Variants in RALGPS2 observed in about 807,000 individuals in gnomAD.
RALGPS2 encodes ras-specific guanine nucleotide-releasing factor RalGPS2.
In RALGPS2, 43 loss-of-function variants were observed where a neutral mutation model predicts 86.8. The ratio of observed to expected loss-of-function variants is 0.50; its 90% CI spans 0.39 to 0.64. The LOEUF (loss-of-function observed/expected upper bound fraction) is 0.64. Ranked by LOEUF, RALGPS2 falls within the 30% of genes least tolerant of loss-of-function variation. The pLI, the probability that RALGPS2 is intolerant of heterozygous loss-of-function variation, is 0.00. For synonymous variants in RALGPS2, 243 were observed against 231.3 expected (o/e 1.05, Z -0.46); for missense variants, 536 against 694.6 (o/e 0.77, Z 2.57).
chr1:178,897,039 T>C (rs546674846), intron 16 of RALGPS2, among the ~76,000 whole-genome samples: 1 of 152,174 alleles, frequency 6.6e-6, no homozygotes, highest in East Asian at 1.9e-4. Context: ...ATCGCCACAC[T>C]GACTTCCACA....
intron 6 of RALGPS2, among the ~76,000 whole-genome samples, chr1:178,819,917 T>C (rs1483886611): frequency 6.6e-6 from 1 of 152,160 alleles, no homozygotes; most frequent in East Asian, 1.9e-4. Flanking sequence ...TTCCAAAATG[T>C]AGTACACATC....
chr1:178,857,599 A>C (rs539272293), intron 8 of RALGPS2, among the ~76,000 whole-genome samples: 6 of 152,342 alleles, frequency 3.9e-5, no homozygotes, highest in African/African-American at 1.4e-4. Context: ...TAGTTAATGC[A>C]CACATGAAAG....
chr1:178,828,060 A>G (rs1655837177), intron 7 of RALGPS2, among the ~76,000 whole-genome samples: 1 of 152,216 alleles, frequency 6.6e-6, no homozygotes. Flanking sequence ...TCTGGACAAT[A>G]ATTTTTTGGC....
chr1:178,799,092 T>C (rs1295592010), intron 4 of RALGPS2, among the ~76,000 whole-genome samples: 1 of 152,078 alleles, frequency 6.6e-6, no homozygotes, highest in Admixed American at 6.5e-5. Flanking sequence ...CAAGCTAGAG[T>C]GCAGTGGCGC....
intron 7 of RALGPS2, among the ~76,000 whole-genome samples, chr1:178,827,286 A>G (rs980680357): frequency 6.6e-6 from 1 of 152,238 alleles, no homozygotes; most frequent in Non-Finnish European, 1.5e-5. Flanking sequence ...GACATTTATC[A>G]CAGAAATAGA....
intron 6 of RALGPS2, among the ~76,000 whole-genome samples, chr1:178,814,869 A>G (rs900524595): frequency 7.9e-5 from 12 of 152,206 alleles, no homozygotes; most frequent in Admixed American, 3.9e-4. Context: ...GATATTGTCA[A>G]AATTTTTCAT....
intron 18 of RALGPS2, 103 bp from the exon 19 acceptor site, chr1:178,906,673 T>C: frequency 2.4e-6 from 2 of 835,948 alleles, no homozygotes; most frequent in Non-Finnish European, 3.8e-6. Context: ...ATTCTAAAAC[T>C]GAAAACTCTA....
chr1:178,811,764 T>G lies in RALGPS2; in HGVS notation c.387+360T>G, dbSNP rs147967108. On this transcript the variant is annotated intron_variant, in intron 6 of 19. Transcript: ENST00000367635. The stretch of plus-strand genomic sequence containing the variant: ...AAGAATTAAGTAGGAGAATACTACT[T>G]CACTTCTGAAGTGAACCATGTGAAG... Among the ~76,000 whole-genome samples the G allele has an allele frequency of 2.9e-4, 44 of 152,350 alleles. 1 individual carries two copies. In the East Asian group the frequency reaches 4.2e-3, roughly 15 times the overall value.
intron 8 of RALGPS2, among the ~76,000 whole-genome samples, chr1:178,848,138 A>G (rs1302198755): frequency 1.3e-5 from 2 of 152,040 alleles, no homozygotes; most frequent in East Asian, 3.9e-4. Context: ...GTGAGACCCC[A>G]TCTCTACAAA....
rs899494714 is a variant in RALGPS2, at chr1:178,761,808, G to A, written c.-83-14874G>A. ...ACTCCTGACCTCAAATGATCCACCC[G>A]CCTTCACCTCCTGTTTTTAAATTTA... On this transcript the variant is annotated intron_variant, in intron 1 of 19. Coordinates refer to ENST00000367635, the MANE Select transcript of RALGPS2 (RefSeq NM_152663.5). Among the ~76,000 whole-genome samples, 6 of 152,090 alleles carry A rather than the reference G, an allele frequency of 3.9e-5. No individual in the cohort carries two copies. The South Asian group carries it at 8.3e-4, about 21-fold the overall frequency.
In RALGPS2 at chr1:178,738,563, T is replaced by G. The variant is rs143609537; in HGVS notation, c.-84+13144T>G. Among the ~76,000 whole-genome samples, 36 of 152,322 alleles carry G rather than the reference T, an allele frequency of 2.4e-4. No homozygotes were observed. In the East Asian group the frequency reaches 6.6e-3, roughly 28 times the overall value. On this transcript the variant is annotated intron_variant, in intron 1 of 19. Transcript: ENST00000367635. ...AAGGAATGTGAATGTCAAAACTAAATTTCAATTTTATGTTTCCTTAAATTT... is the reference window on the plus strand; with the variant it reads ...AAGGAATGTGAATGTCAAAACTAAAGTTCAATTTTATGTTTCCTTAAATTT...
chr1:178,846,885 C>G (rs1381454292), intron 8 of RALGPS2, among the ~76,000 whole-genome samples: 2 of 152,142 alleles, frequency 1.3e-5, no homozygotes, highest in Non-Finnish European at 2.9e-5. Flanking sequence ...ATAGCTGACA[C>G]TGTACTTTAT....
At chr1:178,902,036 C>T in intron 17 of RALGPS2, 70 bp from the exon 18 acceptor site, 1 of 1,141,230 alleles carries the variant, frequency 8.8e-7, no homozygotes, top group Non-Finnish European at 1.3e-6. Flanking sequence ...AATACACTCC[C>T]TAACACTGAA....
intron 2 of RALGPS2, 108 bp downstream of exon 2, chr1:178,776,929 A>G (rs901950289): frequency 1.2e-6 from 1 of 803,416 alleles, no homozygotes. Flanking sequence ...TAGTGCAGAA[A>G]TACACATTTC....
At chr1:178,851,063 C>T in intron 8 of RALGPS2, 3 of 1,445,636 alleles carry the variant, frequency 2.1e-6, no homozygotes, top group Non-Finnish European at 2.8e-6. Context: ...ATACATGTAA[C>T]ATTTACATTT....
At chr1:178,866,283 T>C (rs1226627585) in intron 8 of RALGPS2, among the ~76,000 whole-genome samples, 1 of 152,226 alleles carries the variant, frequency 6.6e-6, no homozygotes, top group Non-Finnish European at 1.5e-5. Flanking sequence ...TTTAGATTCA[T>C]ACCATGCAAT....
At chr1:178,749,345 G>A (rs928257239) in intron 1 of RALGPS2, among the ~76,000 whole-genome samples, 14 of 152,076 alleles carry the variant, frequency 9.2e-5, no homozygotes, top group Non-Finnish European at 1.6e-4. Flanking sequence ...AAATCAGCTG[G>A]CGTGGTAGTG....
chr1:178,876,028 T>C (rs1309155384), intron 8 of RALGPS2, among the ~76,000 whole-genome samples: 1 of 152,098 alleles, frequency 6.6e-6, no homozygotes, highest in Non-Finnish European at 1.5e-5. Flanking sequence ...ATAGGTGACT[T>C]AAAGAATACT....
chr1:178,915,512 G>A (rs937731821), intron 19 of RALGPS2, among the ~76,000 whole-genome samples: 1 of 152,196 alleles, frequency 6.6e-6, no homozygotes, highest in African/African-American at 2.4e-5. Context: ...TGGGATTATA[G>A]GCGTGAGCCA....
Sources: gnomAD v4.1 joint callset for allele counts (sites outside exome capture counted in the v4.1 genomes callset) on GRCh38, gnomAD v4.1.1 for gene constraint, MANE v1.5 for transcripts, NCBI Gene and HGNC (gene_info 2026-07-23, HGNC 2026-07-21) for gene names.